Variants in PRKN observed in about 807,000 individuals in gnomAD.
PRKN encodes the protein E3 ubiquitin-protein ligase parkin.
Under a neutral mutation model 59.5 loss-of-function variants are expected in PRKN, and 56 were observed. The observed-to-expected ratio is 0.94, with a 90% CI of 0.76 to 1.18. The LOEUF (loss-of-function observed/expected upper bound fraction) is 1.18. Among genes scored for constraint, PRKN ranks in the 50% most tolerant of loss-of-function variants. PRKN has a pLI of 0.00. For synonymous variants in PRKN, 250 were observed against 222.1 expected (o/e 1.13, Z -1.12); for missense variants, 657 against 596.4 (o/e 1.10, Z -1.06).
intron 1 of PRKN, among the ~76,000 whole-genome samples, chr6:162,556,745 CAAA>C (rs58924466): frequency 3.3e-5 from 3 of 91,102 alleles, no homozygotes; most frequent in Non-Finnish European, 2.1e-5. Context: ...GACTCCATCT[CAAA>C]AAAAAAAAAA....
At chr6:161,629,403 C>T (rs12211755) in intron 7 of PRKN, among the ~76,000 whole-genome samples, 2 of 151,852 alleles carry the variant, frequency 1.3e-5, no homozygotes, top group Admixed American at 1.3e-4. Flanking sequence ...TCCCCTGCAC[C>T]CCGGCAGTTG....
At chr6:162,424,738 GAA>G (rs756618241) in intron 2 of PRKN, among the ~76,000 whole-genome samples, 4 of 121,130 alleles carry the variant, frequency 3.3e-5, no homozygotes, top group Non-Finnish European at 5.4e-5. Flanking sequence ...CTGTCTCAAA[GAA>G]AAAAAAAAAA....
chr6:162,463,270 T>A (rs550282055), intron 1 of PRKN, among the ~76,000 whole-genome samples: 2 of 152,120 alleles, frequency 1.3e-5, no homozygotes, highest in Non-Finnish European at 2.9e-5. Context: ...ACCACAATTA[T>A]ACTCAAGATT....
intron 6 of PRKN, among the ~76,000 whole-genome samples, chr6:161,790,584 G>A (rs888807110): frequency 3.9e-5 from 6 of 152,090 alleles, no homozygotes; most frequent in South Asian, 4.1e-4. Context: ...AAGAGACCCC[G>A]GAAAGCTCCC....
chr6:161,513,457 G>C (rs956530668), intron 9 of PRKN, among the ~76,000 whole-genome samples: 1 of 81,434 alleles, frequency 1.2e-5, no homozygotes, highest in African/African-American at 5.4e-5. Context: ...AGCCAGGATG[G>C]TCTCGATCTC....
At chr6:162,294,493 G>C (rs1313036582) in intron 2 of PRKN, among the ~76,000 whole-genome samples, 1 of 152,086 alleles carries the variant, frequency 6.6e-6, no homozygotes, top group Non-Finnish European at 1.5e-5. Context: ...CTGAATACCA[G>C]GATTAGTAAA....
At chr6:162,255,542 AT>A (rs1779607286) in intron 3 of PRKN, among the ~76,000 whole-genome samples, 1 of 152,170 alleles carries the variant, frequency 6.6e-6, no homozygotes, top group Non-Finnish European at 1.5e-5. Flanking sequence ...TAGGGGGCCA[AT>A]GATTCTGCAT....
chr6:162,048,222 T>G (rs370529318), intron 5 of PRKN, among the ~76,000 whole-genome samples: 1 of 152,168 alleles, frequency 6.6e-6, no homozygotes, highest in Non-Finnish European at 1.5e-5. Flanking sequence ...GCTTGTGTAA[T>G]AGGAAATCAA....
At chr6:161,382,854 T>G (rs74601837) in intron 10 of PRKN, among the ~76,000 whole-genome samples, 1 of 152,180 alleles carries the variant, frequency 6.6e-6, no homozygotes, top group Non-Finnish European at 1.5e-5. Flanking sequence ...AAAAGCTGAT[T>G]GGGACTCAAG....
chr6:162,262,713 C>T lies in PRKN; in HGVS notation c.224G>A (p.Arg75Lys), dbSNP rs759650233. Residue 75 changes from arginine to lysine, a missense_variant, in exon 3 of 12, where the codon AGA becomes AAA. Arg to Lys is a conservative substitution (Grantham distance 26, BLOSUM62 2). Transcript: ENST00000366898. ...AGTTGCATTCATTTCTTGACCTTTT[C>T]TCCACGGTCTCTGCACAATGTGAAC... is the stretch of plus-strand genomic sequence containing the variant. ...SIVHIVQRPW[R>K]KGQEMNATGG... The T allele has an allele frequency of 9.3e-6, 15 of 1,611,562 alleles. No homozygotes were observed. In the Admixed American group the frequency reaches 2.5e-4, roughly 27 times the overall value.
intron 1 of PRKN, among the ~76,000 whole-genome samples, chr6:162,552,209 C>T (rs1434496212): frequency 6.6e-6 from 1 of 152,102 alleles, no homozygotes; most frequent in Non-Finnish European, 1.5e-5. Flanking sequence ...GTGAGTCGGA[C>T]AGCAAAGACA....
intron 6 of PRKN, among the ~76,000 whole-genome samples, chr6:161,821,719 C>CTTTTTTTTTTTTTTTTTTTTTTTTTTT (rs531807176): frequency 7.7e-5 from 5 of 64,672 alleles, no homozygotes; most frequent in African/African-American, 2.4e-4. Flanking sequence ...CACTGGTGTT[C>CTTTTTTTTTTTTTTTTTTTTTTTTTTT]TTTTTTTTTT....
chr6:162,164,624 A>T (rs1782901476), intron 4 of PRKN, among the ~76,000 whole-genome samples: 1 of 149,210 alleles, frequency 6.7e-6, no homozygotes, highest in South Asian at 2.1e-4. Context: ...AAGAACTGCT[A>T]CCATTTGGAA....
intron 1 of PRKN, among the ~76,000 whole-genome samples, chr6:162,632,723 G>T (rs1266310479): frequency 1.3e-5 from 2 of 151,980 alleles, no homozygotes; most frequent in Admixed American, 1.3e-4. Flanking sequence ...AGAAACAGAA[G>T]TAGGTAGAAA....
At chr6:161,783,512 A>AT (rs2128206161) in intron 7 of PRKN, among the ~76,000 whole-genome samples, 1 of 152,276 alleles carries the variant, frequency 6.6e-6, no homozygotes, top group Non-Finnish European at 1.5e-5. Context: ...TCACTGTAGT[A>AT]TTTTTCCTTA....
intron 1 of PRKN, among the ~76,000 whole-genome samples, chr6:162,619,682 T>C (rs960329153): frequency 7.0e-6 from 1 of 143,412 alleles, no homozygotes; most frequent in African/African-American, 2.6e-5. Context: ...TACAGAAGTG[T>C]TGGTATCTAT....
At chr6:162,342,968 G>A (rs1784250058) in intron 2 of PRKN, among the ~76,000 whole-genome samples, 1 of 151,746 alleles carries the variant, frequency 6.6e-6, no homozygotes, top group Admixed American at 6.6e-5. Context: ...CTCTCTTGTG[G>A]CACTTTAAAA....
chr6:161,564,817 C>A (rs1482652032), intron 8 of PRKN, among the ~76,000 whole-genome samples: 1 of 152,178 alleles, frequency 6.6e-6, no homozygotes, highest in African/African-American at 2.4e-5. Flanking sequence ...AACTCTCCGA[C>A]TTCCCAATTC....
chr6:161,767,442 G>A (rs952774432), intron 7 of PRKN, among the ~76,000 whole-genome samples: 5 of 152,058 alleles, frequency 3.3e-5, no homozygotes, highest in East Asian at 1.9e-4. Context: ...GCGTGAGCCC[G>A]GGAGGCGGAG....
Sources: allele counts gnomAD v4.1 joint callset (sites outside exome capture counted in the v4.1 genomes callset), GRCh38; gene constraint gnomAD v4.1.1; transcripts MANE v1.5; gene names NCBI Gene and HGNC (gene_info 2026-07-23, HGNC 2026-07-21).